The following PRKG1 variants were observed in gnomAD, a reference collection of about 807,000 sequenced individuals.
The protein encoded by PRKG1 is protein kinase cGMP-dependent 1, also known as cGMP-dependent protein kinase 1.
PRKG1 carries 35 observed loss-of-function variants against 88.1 expected under a neutral mutation model. That is an observed-to-expected ratio of 0.40 (90% confidence interval 0.30 to 0.53). The LOEUF (loss-of-function observed/expected upper bound fraction) is 0.53. PRKG1 is among the 20% of genes least tolerant of loss of function. The probability of loss-of-function intolerance (pLI) is 0.59; values close to 1 mark genes in which losing one functional copy is unlikely to be tolerated. For missense variants in PRKG1, 540 were observed against 839.8 expected, an observed-to-expected ratio of 0.64 and a Z score of 4.41; for synonymous variants, 303 against 292.5, an observed-to-expected ratio of 1.04 and a Z score of -0.37.
chr10:51,609,074 TA>T (rs1234398811), intron 3 of PRKG1, among the ~76,000 whole-genome samples: 12 of 152,012 alleles, frequency 7.9e-5, no homozygotes, highest in Admixed American at 2.6e-4. Context: ...GTTAGTTTAT[TA>T]TTTTTTTCTT....
intron 10 of PRKG1, among the ~76,000 whole-genome samples, chr10:52,270,662 T>C (rs970655645): frequency 1.5e-5 from 2 of 129,670 alleles, no homozygotes; most frequent in South Asian, 4.7e-4. Flanking sequence ...TAGGTGGGAA[T>C]TGAACAATGA....
chr10:51,517,901 C>G (rs1054637374), intron 3 of PRKG1, among the ~76,000 whole-genome samples: 4 of 152,302 alleles, frequency 2.6e-5, no homozygotes, highest in East Asian at 1.9e-4. Flanking sequence ...AAGTTCTGAT[C>G]TATTTCTGTT....
chr10:51,120,396 A>C (rs1229826515), intron 1 of PRKG1, among the ~76,000 whole-genome samples: 1 of 152,140 alleles, frequency 6.6e-6, no homozygotes, highest in Non-Finnish European at 1.5e-5. Context: ...GGGATATTTA[A>C]GGTCTTGAAG....
At chr10:52,012,044 G>A (rs1844897714) in intron 5 of PRKG1, among the ~76,000 whole-genome samples, 1 of 152,032 alleles carries the variant, frequency 6.6e-6, no homozygotes, top group Non-Finnish European at 1.5e-5. Context: ...TCAGTCTTGG[G>A]TATGTCTTTA....
At chr10:51,544,662 A>G (rs1842402096) in intron 3 of PRKG1, among the ~76,000 whole-genome samples, 1 of 152,174 alleles carries the variant, frequency 6.6e-6, no homozygotes, top group Non-Finnish European at 1.5e-5. Context: ...ACTAGTTTAC[A>G]GTCCCACCAA....
chr10:51,543,123 A>G (rs1208009004), intron 3 of PRKG1, among the ~76,000 whole-genome samples: 1 of 152,200 alleles, frequency 6.6e-6, no homozygotes, highest in Non-Finnish European at 1.5e-5. Context: ...TTGTAGGGTT[A>G]TGCAATAGAG....
chr10:51,770,838 G>T (rs576810495), intron 3 of PRKG1, among the ~76,000 whole-genome samples: 1 of 152,254 alleles, frequency 6.6e-6, no homozygotes, highest in South Asian at 2.1e-4. Context: ...ATAAGAGACA[G>T]TTATTCAAAA....
chr10:51,667,454 G>T (rs533353694), intron 3 of PRKG1, among the ~76,000 whole-genome samples: 2 of 152,208 alleles, frequency 1.3e-5, no homozygotes, highest in Admixed American at 1.3e-4. Context: ...GTTGTCAATT[G>T]TAATAGTGTT....
intron 5 of PRKG1, among the ~76,000 whole-genome samples, chr10:51,997,347 C>A (rs2454547): frequency 6.6e-6 from 1 of 151,074 alleles, no homozygotes; most frequent in Admixed American, 6.6e-5. Context: ...GGTGGGTGCC[C>A]GTAGTCCCAG....
chr10:51,949,530 G>A (rs1843135680), intron 5 of PRKG1, among the ~76,000 whole-genome samples: 1 of 151,870 alleles, frequency 6.6e-6, no homozygotes, highest in Non-Finnish European at 1.5e-5. Context: ...TATGTCAGAA[G>A]GAAATGATAA....
Position 51,852,484 on chromosome 10 carries a change from C to T in PRKG1, c.698+47794C>T, listed in dbSNP as rs537419844. Among the ~76,000 whole-genome samples, 4 of 152,062 alleles carry T rather than the reference C, an allele frequency of 2.6e-5. No individual in the cohort carries two copies. In the East Asian group the frequency reaches 7.7e-4, roughly 29 times the overall value. On this transcript the variant is annotated intron_variant, in intron 4 of 17. Transcript: ENST00000373980. ...ATAACCAAGCAATTGAGCTCTAAAACATAGCAGCTCCATGTGGTAGCTGGT... is the reference window on the plus strand; with the variant it reads ...ATAACCAAGCAATTGAGCTCTAAAATATAGCAGCTCCATGTGGTAGCTGGT...
chr10:51,199,920 C>A (rs1375308772), intron 2 of PRKG1, among the ~76,000 whole-genome samples: 1 of 152,174 alleles, frequency 6.6e-6, no homozygotes, highest in Non-Finnish European at 1.5e-5. Context: ...GAACACTCCT[C>A]AAGTGACCCT....
intron 4 of PRKG1, among the ~76,000 whole-genome samples, chr10:51,868,630 C>A (rs1841078650): frequency 6.6e-6 from 1 of 152,008 alleles, no homozygotes; most frequent in Non-Finnish European, 1.5e-5. Context: ...CCTGCCCAAC[C>A]CACAGTTTCC....
chr10:51,100,337 C>A (rs575386581), intron 1 of PRKG1, among the ~76,000 whole-genome samples: 29 of 152,236 alleles, frequency 1.9e-4, no homozygotes, highest in African/African-American at 6.3e-4. Flanking sequence ...AGGGAGTATT[C>A]TTGAAAATTT....
intron 3 of PRKG1, among the ~76,000 whole-genome samples, chr10:51,484,848 A>G (rs1054975384): frequency 7.6e-6 from 1 of 132,102 alleles, no homozygotes; most frequent in Non-Finnish European, 1.7e-5. Context: ...TCTTAGAAAT[A>G]CTTGTGTTGC....
chr10:51,138,943 A>G (rs1845760601), intron 1 of PRKG1, among the ~76,000 whole-genome samples: 1 of 151,894 alleles, frequency 6.6e-6, no homozygotes, highest in African/African-American at 2.4e-5. Flanking sequence ...TCAGCCTCCA[A>G]AGTGCTGGGA....
Position 52,068,197 on chromosome 10 carries a change from C to T in PRKG1, c.935+5566C>T, listed in dbSNP as rs576183956. Among the ~76,000 whole-genome samples, 13 of 112,030 alleles carry T rather than the reference C, an allele frequency of 1.2e-4. No individual in the cohort carries two copies. The East Asian group carries it at 1.2e-3, about 10-fold the overall frequency. The allele number at this position is 112,030 out of a possible 152,430, so 73.5% of individuals were successfully genotyped here. Reference sequence around the variant, plus strand: ...CAGCCTGGGCGACAGAGCGAAACTCCGTCTCAAAAAAAAAAAAAAAAAAAA... The same window carrying T: ...CAGCCTGGGCGACAGAGCGAAACTCTGTCTCAAAAAAAAAAAAAAAAAAAA... On this transcript the variant is annotated intron_variant, in intron 7 of 17. Transcript: ENST00000373980.
At chr10:51,988,491 G>A (rs1352306731) in intron 5 of PRKG1, among the ~76,000 whole-genome samples, 1 of 152,048 alleles carries the variant, frequency 6.6e-6, no homozygotes, top group Non-Finnish European at 1.5e-5. Flanking sequence ...AGCAGTAAGT[G>A]TGTGGAAGTT....
intron 3 of PRKG1, among the ~76,000 whole-genome samples, chr10:51,691,080 C>A (rs558003978): frequency 6.7e-6 from 1 of 149,390 alleles, no homozygotes; most frequent in African/African-American, 2.5e-5. Context: ...GAAGATATTG[C>A]TATTTTGGAT....
Sources: gnomAD v4.1 joint callset for allele counts (sites outside exome capture counted in the v4.1 genomes callset) on GRCh38, gnomAD v4.1.1 for gene constraint, MANE v1.5 for transcripts, NCBI Gene and HGNC (gene_info 2026-07-23, HGNC 2026-07-21) for gene names.